Variants in PITPNM2 observed in about 807,000 individuals in gnomAD.
PITPNM2 encodes phosphatidylinositol transfer protein membrane associated 2.
In PITPNM2, 35 loss-of-function variants were observed where a neutral mutation model predicts 132.2. That is an observed-to-expected ratio of 0.26 (90% CI 0.20 to 0.35). The LOEUF (loss-of-function observed/expected upper bound fraction) is 0.35, where lower values mean the gene tolerates loss of function less well. Among genes scored for constraint, PITPNM2 ranks in the 10% least tolerant of loss-of-function variants. PITPNM2 has a pLI of 1.00. For missense variants in PITPNM2, 1,332 were observed against 1,912.0 expected (o/e 0.70, Z 5.66); for synonymous variants, 738 against 799.2 (o/e 0.92, Z 1.29).
intron 2 of PITPNM2, among the ~76,000 whole-genome samples, chr12:123,085,117 C>T (rs771130694): frequency 6.6e-6 from 1 of 152,192 alleles, no homozygotes; most frequent in Non-Finnish European, 1.5e-5. Flanking sequence ...TGGCATGCAC[C>T]GTAGAGTGCT....
intron 4 of PITPNM2, 146 bp from the exon 5 acceptor site, chr12:123,012,880 G>A (rs2039266993): frequency 9.2e-7 from 1 of 1,091,968 alleles, no homozygotes; most frequent in East Asian, 2.4e-5. Flanking sequence ...TGCCTGCCCT[G>A]TCCACCTCTT....
chr12:123,061,550 GC>G (rs771431632), intron 2 of PITPNM2, among the ~76,000 whole-genome samples: 9 of 152,264 alleles, frequency 5.9e-5, no homozygotes, highest in Non-Finnish European at 1.2e-4. Flanking sequence ...TGGATAGGAG[GC>G]GTCCCAGTGG....
chr12:122,994,902 G>T lies in PITPNM2; in HGVS notation c.2132C>A (p.Ala711Asp), dbSNP rs751698895. The T allele has an allele frequency of 6.2e-7, 1 of 1,612,204 alleles. No individual in the cohort carries two copies. Among genetic ancestry groups the T allele is most frequent in the Admixed American group, 1.7e-5 (1 of 59,988 alleles). ...SSSTMLDGTG[A>D]LGRFDFEITD... The stretch of plus-strand genomic sequence containing the variant: ...GATCTCAAAGTCAAACCTGCCCAGG[G>T]CACCTGTGCCATCCAGCATGGTGGA... Residue 711 changes from alanine (A) to aspartate (D), a missense_variant, in exon 15 of 26, where the codon GCC becomes GAC. Physicochemically the swap from Ala to Asp is moderately radical, Grantham distance 126. Transcript: ENST00000320201. The surrounding 1 kb of genome is among the most constrained non-coding windows in gnomAD (Gnocchi z 5.4).
In PITPNM2 at chr12:122,990,584, C is replaced by T; in HGVS notation, c.2530G>A (p.Gly844Ser). Residue 844 changes from glycine (G) to serine (S), a missense_variant, in exon 17 of 26, where the codon GGC (glycine) becomes AGC (serine). Gly to Ser is a moderately conservative substitution (Grantham distance 56). Coordinates refer to ENST00000320201, the MANE Select transcript of PITPNM2 (RefSeq NM_020845.3). Reference sequence around the variant, plus strand: ...GATGCCGTGTAGCTCTCAGCCATGCCTGACACCTGGCTGGCGATGCTGATC... The same window carrying T: ...GATGCCGTGTAGCTCTCAGCCATGCTTGACACCTGGCTGGCGATGCTGATC... ...SEISIASQVS[G>S]MAESYTASSI... The T allele has an allele frequency of 1.9e-6, 3 of 1,613,002 alleles. No homozygotes were observed. Among genetic ancestry groups the T allele is most frequent in the Non-Finnish European group, 2.5e-6 (3 of 1,180,000 alleles).
At chr12:123,013,714 G>T in intron 4 of PITPNM2, 114 bp downstream of exon 4, 1 of 1,207,714 alleles carries the variant, frequency 8.3e-7, no homozygotes, top group Non-Finnish European at 1.2e-6. Flanking sequence ...TGGGGTTATG[G>T]GTTGTTGAAC....
intron 2 of PITPNM2, among the ~76,000 whole-genome samples, chr12:123,094,692 C>T (rs771430147): frequency 1.3e-5 from 2 of 152,232 alleles, no homozygotes; most frequent in Non-Finnish European, 2.9e-5. Context: ...ACAGCCTTCT[C>T]CGAAACCAAG....
chr12:123,013,973 C>A lies in PITPNM2; in HGVS notation c.148G>T (p.Asp50Tyr). Residue 50 changes from aspartate (D) to tyrosine (Y), a missense_variant, in exon 4 of 26, where the codon GAT becomes TAT. Around this residue, in one of 6 missense-constraint regions of PITPNM2, gnomAD observed 83 missense variants for 118.7 expected, o/e 0.70. Coordinates refer to ENST00000320201, the MANE Select transcript of PITPNM2 (RefSeq NM_020845.3). The stretch of plus-strand genomic sequence containing the variant: ...TACTGCCCAGAGCCGCCTGGGCCAT[C>A]TGTGTACGGCCGGTTCTCCAGGATC... ...VEILENRPYT[D>Y]GPGGSGQYTH... The A allele has an allele frequency of 6.2e-7, 1 of 1,614,252 alleles. No individual in the cohort carries two copies. Among genetic ancestry groups the A allele is most frequent in the East Asian group, 2.2e-5 (1 of 44,890 alleles).
At chr12:123,073,281 A>G (rs185005453) in intron 2 of PITPNM2, among the ~76,000 whole-genome samples, 3 of 152,150 alleles carry the variant, frequency 2.0e-5, no homozygotes, top group Non-Finnish European at 2.9e-5. Flanking sequence ...TCCCCTCTAC[A>G]CTACCCAAAA....
chr12:122,988,870 C>G lies in PITPNM2; in HGVS notation c.2734G>C (p.Ala912Pro). ...CGCTTCTGGCCCCACCACTTTGCAG[C>G]GACTGCCAGGAGGGGCCGTGACTGG... is the stretch of plus-strand genomic sequence containing the variant. ...GLPELDIGEV[A>P]AKWWGQKRID... The change falls in exon 19 of 26, where the codon GCT becomes CCT. Residue 912 changes from alanine (A) to proline (P), a missense_variant and splice_region_variant. By Grantham distance (27) the Ala-to-Pro change is conservative (BLOSUM62 -1). This residue lies in a region of PITPNM2 where 710 missense variants were observed against 911.5 expected (regional missense o/e 0.78). Coordinates refer to ENST00000320201, the MANE Select transcript of PITPNM2 (RefSeq NM_020845.3). 1.3e-6 allele frequency: 2 copies of G among 1,560,662 alleles called. No individual in the cohort carries two copies. Among genetic ancestry groups the G allele is most frequent in the Non-Finnish European group, 1.7e-6 (2 of 1,151,778 alleles).
At chr12:122,990,403 C>CCT in intron 17 of PITPNM2, 142 bp downstream of exon 17, 1 of 1,245,756 alleles carries the variant, frequency 8.0e-7, no homozygotes. Context: ...CAGCAGCCTC[C>CCT]CTCCCTCTAC....
chr12:123,057,488 G>C (rs1348578243), intron 2 of PITPNM2, among the ~76,000 whole-genome samples: 1 of 152,088 alleles, frequency 6.6e-6, no homozygotes, highest in Non-Finnish European at 1.5e-5. Context: ...GGTGCAAATG[G>C]TACCATTGGT....
chr12:123,127,898 C>T (rs914341821), intron 1 of PITPNM2, among the ~76,000 whole-genome samples: 4 of 151,986 alleles, frequency 2.6e-5, no homozygotes, highest in Non-Finnish European at 5.9e-5. Context: ...CATGAGCCAC[C>T]GCGCCCAGCC....
rs2037980522 is a variant in PITPNM2, at chr12:122,987,341, G to A, written c.3353C>T (p.Ala1118Val). Residue 1118 changes from alanine to valine, a missense_variant, in exon 23 of 26, where the codon GCT becomes GTT. Ala to Val is a moderately conservative substitution (Grantham distance 64). This residue lies in a region of PITPNM2 where 251 missense variants were observed against 472.0 expected (regional missense o/e 0.53). Transcript: ENST00000320201. ...GTCGCTGCCCATGATGGACACGCTA[G>A]CGGCAAAGGAACCGTCGATGCTGAA... ...VVFSIDGSFA[A>V]SVSIMGSDPK... The A allele has an allele frequency of 6.2e-7, 1 of 1,612,724 alleles. No homozygotes were observed. Among genetic ancestry groups the A allele is most frequent in the Non-Finnish European group, 8.5e-7 (1 of 1,180,022 alleles).
chr12:123,071,415 G>A (rs1029876311), intron 2 of PITPNM2, among the ~76,000 whole-genome samples: 2 of 152,226 alleles, frequency 1.3e-5, no homozygotes, highest in South Asian at 4.1e-4. Context: ...GACAGCCAGA[G>A]AGAGACCCGC....
intron 1 of PITPNM2, among the ~76,000 whole-genome samples, chr12:123,122,417 G>A (rs910938674): frequency 4.6e-5 from 7 of 152,090 alleles, no homozygotes; most frequent in East Asian, 1.9e-4. Flanking sequence ...AGCCAAGATC[G>A]TGTCATTGCA....
In PITPNM2 at chr12:123,116,026, C is replaced by G. The variant is rs528882305; in HGVS notation, c.-199-5538G>C. ...GAATGGGTCTGCAAAGATCTTTTCC[C>G]AGGGTGGTTGCCGGGGACTGTTACT... is the stretch of plus-strand genomic sequence containing the variant. On this transcript the variant is annotated intron_variant, in intron 1 of 25. Coordinates refer to ENST00000320201, the MANE Select transcript of PITPNM2 (RefSeq NM_020845.3). 4.6e-5 allele frequency among the ~76,000 whole-genome samples: 7 copies of G among 152,304 alleles called. No individual in the cohort carries two copies. In the South Asian group the frequency reaches 1.5e-3, roughly 32 times the overall value.
chr12:123,018,322 T>C (rs1284082653), intron 3 of PITPNM2, among the ~76,000 whole-genome samples: 1 of 141,770 alleles, frequency 7.1e-6, no homozygotes, highest in African/African-American at 2.8e-5. Context: ...TGAGACAGAG[T>C]CTCATTCTGT....
Position 123,000,434 on chromosome 12 carries a change from G to A in PITPNM2, c.1224+344C>T, listed in dbSNP as rs1317160797. On this transcript the variant is annotated intron_variant, in intron 10 of 25. Coordinates refer to ENST00000320201, the MANE Select transcript of PITPNM2 (RefSeq NM_020845.3). This position sits in a 1 kb window ranked among gnomAD's most constrained non-coding sequence, Gnocchi z 5.4. ...TCCCTTTTCGTCTTTTTATCTTCAG[G>A]GACAGCAGACAGGCTGGGCACAAGG... The A allele has an allele frequency of 8.5e-6, 6 of 702,926 alleles. No individual in the cohort carries two copies. Among genetic ancestry groups the A allele is most frequent in the Non-Finnish European group, 1.6e-5 (6 of 384,970 alleles). The allele number at this position is 702,926 out of a possible 1,614,324, so 43.5% of individuals were successfully genotyped here.
chr12:123,051,972 G>T (rs1366645612), intron 2 of PITPNM2, among the ~76,000 whole-genome samples: 1 of 150,442 alleles, frequency 6.6e-6, no homozygotes, highest in Non-Finnish European at 1.5e-5. Context: ...GCGCCATCTC[G>T]GCTCATTGCA....
Sources: gnomAD v4.1 joint callset for allele counts (sites outside exome capture counted in the v4.1 genomes callset) on GRCh38, gnomAD v4.1.1 for gene constraint, gnomAD v4.1.1 regional missense constraint, Gnocchi (gnomAD v3.1) non-coding constraint, MANE v1.5 for transcripts, NCBI Gene and HGNC (gene_info 2026-07-23, HGNC 2026-07-21) for gene names.